The following ZNF420 variants were observed in gnomAD, a reference collection of about 807,000 sequenced individuals.
ZNF420 encodes ATM and p53-associated KZNF protein.
ZNF420 carries 31 observed loss-of-function variants against 44.7 expected under a neutral mutation model. The observed-to-expected ratio is 0.69, with a 90% CI of 0.52 to 0.94. The LOEUF is 0.94. Among genes scored for constraint, ZNF420 ranks in the 40% least tolerant of loss-of-function variants. ZNF420 has a pLI of 0.00. For synonymous variants in ZNF420, 245 were observed against 267.4 expected (o/e 0.92, Z 0.82); for missense variants, 681 against 827.9 (o/e 0.82, Z 2.18).
At chr19:37,034,718 A>G (rs913027625) in intron 1 of ZNF420, among the ~76,000 whole-genome samples, 4 of 152,242 alleles carry the variant, frequency 2.6e-5, no homozygotes, top group African/African-American at 9.6e-5. Flanking sequence ...TGAAAGTTCC[A>G]GATACAAAGA....
At chr19:37,034,443 G>A (rs1039889172) in intron 1 of ZNF420, among the ~76,000 whole-genome samples, 19 of 152,114 alleles carry the variant, frequency 1.2e-4, no homozygotes, top group African/African-American at 3.1e-4. Flanking sequence ...AAATATTTTC[G>A]TCCATTCTGC....
chr19:37,020,398 ACT>A (rs148477769), intron 1 of ZNF420, among the ~76,000 whole-genome samples: 3,040 of 151,630 alleles, frequency 0.02, 33 homozygotes, highest in Non-Finnish European at 0.032. Flanking sequence ...CCACAACAAA[ACT>A]CTCCTCTACC....
intron 1 of ZNF420, among the ~76,000 whole-genome samples, chr19:37,071,088 C>A (rs866371870): frequency 6.6e-6 from 1 of 152,174 alleles, no homozygotes; most frequent in Non-Finnish European, 1.5e-5. Context: ...AGTTTGATGA[C>A]CCTTGCCCTA....
rs988668820 is a variant in ZNF420, at chr19:37,129,944, A to T, written c.*886A>T. The T allele has an allele frequency of 6.5e-6, 9 of 1,394,000 alleles. No homozygotes were observed. The African/African-American group carries it at 1.3e-4, about 21-fold the overall frequency. 86.4% of individuals were successfully genotyped at this position (1,394,000 alleles called of 1,614,324 possible). A position where few individuals can be genotyped will look rare whatever the true frequency, so the allele number is the denominator to read the frequency against. ...ATATTACAGACTATTTTGCAATGAA[A>T]AATGATGAGAGTTTGTGATACAGAC... On this transcript the variant is annotated 3_prime_UTR_variant, in exon 5 of 5. Transcript: ENST00000337995.
At chr19:37,094,362 T>G (rs1969321787) in intron 4 of ZNF420, among the ~76,000 whole-genome samples, 1 of 152,206 alleles carries the variant, frequency 6.6e-6, no homozygotes, top group Non-Finnish European at 1.5e-5. Context: ...ATTTTCCCCC[T>G]TGTTTTGTTT....
At chr19:37,047,743 A>T (rs1397384076) in intron 1 of ZNF420, among the ~76,000 whole-genome samples, 1 of 152,224 alleles carries the variant, frequency 6.6e-6, no homozygotes, top group Middle Eastern at 3.2e-3. Context: ...AAAGTCCAGA[A>T]TACATTCTCT....
rs867628538 is a variant in ZNF420 at position 37,127,844 on chromosome 19, A to G, written c.853A>G (p.Arg285Gly). 1.2e-6 allele frequency: 2 copies of G among 1,613,820 alleles called. No homozygotes were observed. Among genetic ancestry groups the G allele is most frequent in the South Asian group, 1.1e-5 (1 of 91,064 alleles). ...GEKLYECKEC[R>G]KVFTQLSQLI... ...AAAGCTCTATGAATGTAAAGAATGT[A>G]GGAAGGTCTTTACTCAGCTCTCACA... is the stretch of plus-strand genomic sequence containing the variant. The change falls in exon 5 of 5, where the codon AGG (arginine) becomes GGG (glycine). Residue 285 changes from arginine (R) to glycine (G), a missense_variant. Arg to Gly is a moderately radical substitution (Grantham distance 125). Around this residue, in one of 3 missense-constraint regions of ZNF420, gnomAD observed 350 missense variants for 382.5 expected, o/e 0.92. Coordinates refer to ENST00000337995, the MANE Select transcript of ZNF420 (RefSeq NM_144689.5).
chr19:37,016,735 T>C (rs1245382935), intron 1 of ZNF420, among the ~76,000 whole-genome samples: 1 of 152,162 alleles, frequency 6.6e-6, no homozygotes, highest in Non-Finnish European at 1.5e-5. Flanking sequence ...CAGACAGGCA[T>C]GTTTGCTGAG....
At chr19:37,044,909 C>G (rs971018760) in intron 1 of ZNF420, among the ~76,000 whole-genome samples, 2 of 152,140 alleles carry the variant, frequency 1.3e-5, no homozygotes, top group Admixed American at 1.3e-4. Flanking sequence ...AGGGATCCAC[C>G]ATATGTAAGC....
chr19:37,017,534 A>G (rs1183061923), intron 1 of ZNF420, among the ~76,000 whole-genome samples: 4 of 152,252 alleles, frequency 2.6e-5, no homozygotes, highest in Admixed American at 6.5e-5. Context: ...CTAACGTGTA[A>G]TATATCACAT....
chr19:37,030,197 T>G (rs1705800990), intron 1 of ZNF420, among the ~76,000 whole-genome samples: 1 of 152,200 alleles, frequency 6.6e-6, no homozygotes, highest in South Asian at 2.1e-4. Flanking sequence ...AGTCTCGCTC[T>G]GTCGCCCAGG....
intron 1 of ZNF420, among the ~76,000 whole-genome samples, chr19:37,010,501 G>A (rs2074560883): frequency 6.6e-6 from 1 of 152,110 alleles, no homozygotes; most frequent in Non-Finnish European, 1.5e-5. Context: ...ACTGCTCTAT[G>A]TCTGTGTGTG....
chr19:37,112,822 C>T (rs1275966718), intron 4 of ZNF420, among the ~76,000 whole-genome samples: 1 of 152,192 alleles, frequency 6.6e-6, no homozygotes, highest in Non-Finnish European at 1.5e-5. Context: ...AATTTGAACT[C>T]CCTTTAGATT....
At chr19:37,070,859 A>G (rs1398569101) in intron 1 of ZNF420, among the ~76,000 whole-genome samples, 1 of 152,198 alleles carries the variant, frequency 6.6e-6, no homozygotes, top group Non-Finnish European at 1.5e-5. Flanking sequence ...TGTGTTCAGT[A>G]ATATATTCTT....
At chr19:37,119,792 A>G (rs988221247) in intron 4 of ZNF420, among the ~76,000 whole-genome samples, 2 of 152,244 alleles carry the variant, frequency 1.3e-5, no homozygotes, top group African/African-American at 4.8e-5. Context: ...TAAAGGGGAT[A>G]TCACCACCAA....
chr19:37,059,651 G>T (rs1052579264), intron 1 of ZNF420, among the ~76,000 whole-genome samples: 2 of 152,162 alleles, frequency 1.3e-5, no homozygotes, highest in Admixed American at 1.3e-4. Flanking sequence ...AGTCGTGCCC[G>T]CCGTGATCTC....
chr19:37,108,509 C>CT (rs1387095779), intron 4 of ZNF420: 2 of 152,170 alleles, frequency 1.3e-5, no homozygotes, highest in African/African-American at 4.8e-5. Flanking sequence ...CTTTATACAA[C>CT]TTTGTAAAGA....
chr19:37,026,132 G>T (rs1967153980), intron 1 of ZNF420, among the ~76,000 whole-genome samples: 1 of 151,874 alleles, frequency 6.6e-6, no homozygotes, highest in African/African-American at 2.4e-5. Flanking sequence ...TGATCAACAT[G>T]GAGAAACCCC....
intron 1 of ZNF420, among the ~76,000 whole-genome samples, chr19:37,047,100 G>A (rs956432187): frequency 2.6e-5 from 4 of 152,054 alleles, no homozygotes; most frequent in Non-Finnish European, 5.9e-5. Flanking sequence ...ATGAGCCAAC[G>A]ATTATGATTT....
Sources: allele counts gnomAD v4.1 joint callset (sites outside exome capture counted in the v4.1 genomes callset), GRCh38; gene constraint gnomAD v4.1.1; regional missense constraint gnomAD v4.1.1; transcripts MANE v1.5; gene names NCBI Gene and HGNC (gene_info 2026-07-23, HGNC 2026-07-21).